ZDHHC17: variants seen among roughly 807,000 people sequenced by gnomAD.
ZDHHC17 encodes palmitoyltransferase ZDHHC17.
ZDHHC17 carries 40 observed loss-of-function variants against 90.3 expected under a neutral mutation model. That is an observed-to-expected ratio of 0.44 (90% CI 0.34 to 0.58). ZDHHC17 has a LOEUF of 0.58. ZDHHC17 is among the 20% of genes least tolerant of loss of function. The pLI, the probability that ZDHHC17 is intolerant of heterozygous loss-of-function variation, is 0.01. For synonymous variants in ZDHHC17, 235 were observed against 252.4 expected, an observed-to-expected ratio of 0.93 and a Z score of 0.65; for missense variants, 614 against 780.8, an observed-to-expected ratio of 0.79 and a Z score of 2.55.
At chr12:76,771,115 T>C (rs1483853702) in intron 1 of ZDHHC17, among the ~76,000 whole-genome samples, 6 of 152,162 alleles carry the variant, frequency 3.9e-5, no homozygotes, top group Admixed American at 6.5e-5. Flanking sequence ...AATATTTTAA[T>C]TTTGGAATTT....
intron 7 of ZDHHC17, 91 bp downstream of exon 7, chr12:76,816,110 T>C (rs758473499): frequency 3.9e-4 from 421 of 1,072,192 alleles, no homozygotes; most frequent in Admixed American, 5.9e-4. Context: ...CTGTCAGAGT[T>C]GAAAGAAACT....
intron 1 of ZDHHC17, among the ~76,000 whole-genome samples, chr12:76,783,470 C>G (rs1181425484): frequency 1.3e-5 from 2 of 152,218 alleles, no homozygotes; most frequent in African/African-American, 4.8e-5. Flanking sequence ...TTTATGAACT[C>G]ACTATCATGA....
intron 1 of ZDHHC17, among the ~76,000 whole-genome samples, chr12:76,779,442 A>C (rs2169619): frequency 0.36 from 55,106 of 152,006 alleles, 10,870 homozygotes; most frequent in East Asian, 0.66. Context: ...ATAGGCAAGA[A>C]AGTGTGTGCA....
At chr12:76,789,361 TTA>T (rs1952732429) in intron 1 of ZDHHC17, among the ~76,000 whole-genome samples, 2 of 152,150 alleles carry the variant, frequency 1.3e-5, no homozygotes, top group Non-Finnish European at 2.9e-5. Context: ...CTGTCATAGC[TTA>T]AAGTCTAATG....
intron 6 of ZDHHC17, among the ~76,000 whole-genome samples, chr12:76,815,489 T>C (rs2137769840): frequency 6.6e-6 from 1 of 152,008 alleles, no homozygotes; most frequent in East Asian, 1.9e-4. Context: ...GATTTACATA[T>C]TGACAAATTT....
intron 1 of ZDHHC17, among the ~76,000 whole-genome samples, chr12:76,788,161 T>C (rs1840629699): frequency 6.6e-6 from 1 of 152,214 alleles, no homozygotes; most frequent in South Asian, 2.1e-4. Context: ...TGATTATCTC[T>C]ACTCTCTAGA....
At position 76,798,997 on chromosome 12, in the gene ZDHHC17, C is replaced by A. The variant is rs1247910630; in HGVS notation, c.197+1460C>A. ...GGACACAGATCCAAACCATGTCAGG[C>A]GTGATGGCACACTCCTGTGGTCCCA... On this transcript the variant is annotated intron_variant, in intron 2 of 16. Transcript: ENST00000426126. Among the ~76,000 whole-genome samples the A allele has an allele frequency of 2.0e-5, 3 of 152,110 alleles. No individual in the cohort carries two copies. In the East Asian group the frequency reaches 5.8e-4, roughly 29 times the overall value.
intron 7 of ZDHHC17, among the ~76,000 whole-genome samples, chr12:76,820,755 C>T (rs1278599320): frequency 6.6e-6 from 1 of 152,170 alleles, no homozygotes; most frequent in South Asian, 2.1e-4. Context: ...TGATCTTACC[C>T]CCAACCATAA....
intron 8 of ZDHHC17, among the ~76,000 whole-genome samples, chr12:76,823,558 A>C (rs1953191904): frequency 6.6e-6 from 1 of 152,216 alleles, no homozygotes; most frequent in Admixed American, 6.5e-5. Context: ...CTTGTCAGTA[A>C]TCACAACTTG....
chr12:76,828,207 T>C (rs1325485498), intron 9 of ZDHHC17, among the ~76,000 whole-genome samples, 183 bp from the exon 10 acceptor site: 1 of 152,178 alleles, frequency 6.6e-6, no homozygotes, highest in African/African-American at 2.4e-5. Context: ...TTCAGAATCT[T>C]GCTGAGTCTT....
chr12:76,815,723 AGTT>A (rs1361737208), intron 6 of ZDHHC17, 131 bp from the exon 7 acceptor site: 7 of 776,650 alleles, frequency 9.0e-6, no homozygotes, highest in Non-Finnish European at 1.3e-5. Flanking sequence ...TTGATTTTAA[AGTT>A]GTTGAGTAGG....
intron 10 of ZDHHC17, chr12:76,841,045 G>A (rs1444085342): frequency 6.6e-6 from 1 of 152,146 alleles, no homozygotes; most frequent in African/African-American, 2.4e-5. Flanking sequence ...ATTGGAAAAA[G>A]TTGGGGGAAA....
chr12:76,840,842 G>A (rs2137801431), intron 10 of ZDHHC17: 1 of 152,138 alleles, frequency 6.6e-6, no homozygotes, highest in Non-Finnish European at 1.5e-5. Flanking sequence ...TTTAATCCAG[G>A]TCCTGAGAGT....
At chr12:76,830,426 G>A (rs947725184) in intron 10 of ZDHHC17, among the ~76,000 whole-genome samples, 13 of 151,850 alleles carry the variant, frequency 8.6e-5, no homozygotes, top group Non-Finnish European at 4.4e-5. Flanking sequence ...ATTTCAGAAA[G>A]TATAGTACCT....
intron 1 of ZDHHC17, among the ~76,000 whole-genome samples, chr12:76,790,103 C>A (rs1952742058): frequency 6.6e-6 from 1 of 152,182 alleles, no homozygotes; most frequent in South Asian, 2.1e-4. Flanking sequence ...ATGAGAACTA[C>A]TCTCTTGACA....
intron 1 of ZDHHC17, chr12:76,769,091 T>A (rs1464275800): frequency 4.7e-6 from 2 of 425,112 alleles, no homozygotes; most frequent in Admixed American, 5.2e-5. Context: ...GGAGTTGCGC[T>A]CTTGTTGCCC....
intron 7 of ZDHHC17, among the ~76,000 whole-genome samples, chr12:76,818,496 A>G (rs866647510): frequency 2.8e-4 from 43 of 152,212 alleles, no homozygotes; most frequent in Non-Finnish European, 5.9e-5. Flanking sequence ...AATAAAAGGC[A>G]AATGTGATAG....
At chr12:76,798,628 ATTT>A (rs143304178) in intron 2 of ZDHHC17, among the ~76,000 whole-genome samples, 1 of 152,250 alleles carries the variant, frequency 6.6e-6, no homozygotes, top group African/African-American at 2.4e-5. Context: ...ACACTGGATA[ATTT>A]ATGAAGAAAA....
intron 1 of ZDHHC17, among the ~76,000 whole-genome samples, chr12:76,766,821 A>G (rs562989743): frequency 1.3e-5 from 2 of 152,102 alleles, no homozygotes; most frequent in East Asian, 3.9e-4. Context: ...GGAGTTCGAG[A>G]CCATCCTGGG....
Sources: allele counts gnomAD v4.1 joint callset (sites outside exome capture counted in the v4.1 genomes callset), GRCh38; gene constraint gnomAD v4.1.1; transcripts MANE v1.5; gene names NCBI Gene and HGNC (gene_info 2026-07-23, HGNC 2026-07-21).